Variants in ARHGAP44 observed in about 807,000 individuals in gnomAD.
The protein encoded by ARHGAP44 is rho GTPase-activating protein 44.
A neutral mutation model predicts 106.8 loss-of-function variants in ARHGAP44; 43 were observed. The ratio of observed to expected loss-of-function variants is 0.40; its 90% CI spans 0.32 to 0.52. The LOEUF is 0.52. ARHGAP44 is among the 20% of genes least tolerant of loss of function. The probability of loss-of-function intolerance (pLI) is 0.48; values close to 1 mark genes in which losing one functional copy is unlikely to be tolerated. For synonymous variants in ARHGAP44, 439 were observed against 410.3 expected (o/e 1.07, Z -0.85); for missense variants, 866 against 1,050.5 (o/e 0.82, Z 2.43).
chr17:12,939,152 A>G (rs1360574224), intron 7 of ARHGAP44, among the ~76,000 whole-genome samples: 1 of 152,172 alleles, frequency 6.6e-6, no homozygotes, highest in Non-Finnish European at 1.5e-5. Flanking sequence ...AGCCTACAAA[A>G]GCATTCATTT....
chr17:12,936,039 C>CT (rs1200052680), intron 7 of ARHGAP44, among the ~76,000 whole-genome samples: 1 of 152,146 alleles, frequency 6.6e-6, no homozygotes, highest in African/African-American at 2.4e-5. Flanking sequence ...AATCAGTAAA[C>CT]TTTATTTTTT....
chr17:12,790,252 G>T, intron 1 of ARHGAP44: 1 of 242,696 alleles, frequency 4.1e-6, no homozygotes, highest in South Asian at 7.3e-5. Flanking sequence ...TGATTGTGCT[G>T]GAGGCAGCCG....
chr17:12,802,337 G>T (rs2034118313), intron 1 of ARHGAP44, among the ~76,000 whole-genome samples: 1 of 152,214 alleles, frequency 6.6e-6, no homozygotes, highest in Non-Finnish European at 1.5e-5. Flanking sequence ...GAGCTGGACA[G>T]TGCGGCCTGG....
Position 12,956,750 on chromosome 17 carries a change from G to A in ARHGAP44, c.1342+4G>A, listed in dbSNP as rs140461185. 1.2e-6 allele frequency: 2 copies of A among 1,613,634 alleles called. No individual in the cohort carries two copies. Among genetic ancestry groups the A allele is most frequent in the African/African-American group, 2.7e-5 (2 of 75,038 alleles). ...GCAGACTGGTTCTTCCCTGGGGGTA[G>A]GTGACAGCACCTAGGTGTGGGGGCA... On this transcript the variant is annotated splice_donor_region_variant and intron_variant, in intron 15 of 20. Coordinates refer to ENST00000379672, the MANE Select transcript of ARHGAP44 (RefSeq NM_014859.6).
At chr17:12,806,419 G>C (rs1352769928) in intron 1 of ARHGAP44, among the ~76,000 whole-genome samples, 1 of 152,152 alleles carries the variant, frequency 6.6e-6, no homozygotes, top group Non-Finnish European at 1.5e-5. Context: ...TTGCAAATAG[G>C]ATGACCATCT....
chr17:12,833,145 C>T (rs1157249932), intron 1 of ARHGAP44, among the ~76,000 whole-genome samples: 4 of 152,248 alleles, frequency 2.6e-5, no homozygotes, highest in Middle Eastern at 3.4e-3. Context: ...TCTGTTTTGT[C>T]GGAGAGGGCA....
intron 17 of ARHGAP44, chr17:12,973,860 T>TGAGG (rs1376963852): frequency 5.2e-6 from 3 of 580,054 alleles, no homozygotes; most frequent in Non-Finnish European, 9.2e-6. Flanking sequence ...CTTGCCTCAG[T>TGAGG]GAGGGGGCCG....
intron 1 of ARHGAP44, chr17:12,790,192 A>C: frequency 5.2e-6 from 2 of 383,420 alleles, no homozygotes; most frequent in South Asian, 4.3e-5. Context: ...TTTCCCCGGG[A>C]CTCCCTTCTC....
At chr17:12,792,913 T>C (rs2150750543) in intron 1 of ARHGAP44, among the ~76,000 whole-genome samples, 1 of 152,354 alleles carries the variant, frequency 6.6e-6, no homozygotes, top group East Asian at 1.9e-4. Flanking sequence ...TGTATTTAAC[T>C]GACAAAAGTT....
At chr17:12,876,910 A>C (rs892248426) in intron 1 of ARHGAP44, among the ~76,000 whole-genome samples, 1 of 52,810 alleles carries the variant, frequency 1.9e-5, no homozygotes, top group African/African-American at 1.0e-4. Flanking sequence ...ACTCCGTCTC[A>C]AAAAAAAAAA....
At chr17:12,790,006 C>G in intron 1 of ARHGAP44, 115 bp downstream of exon 1, 1 of 1,002,466 alleles carries the variant, frequency 1.0e-6, no homozygotes, top group Non-Finnish European at 1.4e-6. Context: ...GTCCTTTCCC[C>G]TGCACCAGCT....
At chr17:12,944,852 C>T (rs1020011642) in intron 10 of ARHGAP44, among the ~76,000 whole-genome samples, 1 of 151,926 alleles carries the variant, frequency 6.6e-6, no homozygotes, top group Non-Finnish European at 1.5e-5. Context: ...TCTTCTGCCT[C>T]TTCCTCTTGC....
intron 1 of ARHGAP44, among the ~76,000 whole-genome samples, chr17:12,835,375 T>C (rs1435072354): frequency 2.6e-5 from 4 of 152,132 alleles, no homozygotes; most frequent in African/African-American, 7.2e-5. Flanking sequence ...ATAAGAAATA[T>C]CAGGTTCTGG....
chr17:12,935,237 C>G (rs781592001), intron 7 of ARHGAP44, among the ~76,000 whole-genome samples: 1 of 152,116 alleles, frequency 6.6e-6, no homozygotes, highest in Non-Finnish European at 1.5e-5. Flanking sequence ...CTTATGATAA[C>G]AATAAATTTC....
At chr17:12,935,877 G>A (rs556708162) in intron 7 of ARHGAP44, among the ~76,000 whole-genome samples, 1 of 152,058 alleles carries the variant, frequency 6.6e-6, no homozygotes. Flanking sequence ...GATAATAGGG[G>A]ATCCTGAAAA....
At position 12,806,200 on chromosome 17, in the gene ARHGAP44, C is replaced by T. The variant is rs144215094; in HGVS notation, c.53+16309C>T. Among the ~76,000 whole-genome samples, 124 of 152,164 alleles carry T rather than the reference C, an allele frequency of 8.1e-4. 2 individuals are homozygous for T. The highest frequency in any genetic ancestry group is 2.9e-3 in the African/African-American group (122 of 41,506). ...TATCTTTGATGGTAAATGAGGTGCT[C>T]ATGGCGTGATGAGAAAATAGTTGAG... On this transcript the variant is annotated intron_variant, in intron 1 of 20. Transcript: ENST00000379672.
chr17:12,841,789 G>A (rs1314150454), intron 1 of ARHGAP44, among the ~76,000 whole-genome samples: 1 of 152,032 alleles, frequency 6.6e-6, no homozygotes, highest in East Asian at 1.9e-4. Flanking sequence ...GATAATTGAG[G>A]CAGATTCATT....
intron 16 of ARHGAP44, among the ~76,000 whole-genome samples, chr17:12,961,734 C>CAA (rs879897434): frequency 6.9e-6 from 1 of 144,640 alleles, no homozygotes; most frequent in Middle Eastern, 3.6e-3. Flanking sequence ...ACTCTGTCTC[C>CAA]AAAAAAAAAA....
chr17:12,953,978 C>T (rs1399754801), intron 13 of ARHGAP44, among the ~76,000 whole-genome samples: 1 of 152,072 alleles, frequency 6.6e-6, no homozygotes. Flanking sequence ...CCCCCACCAC[C>T]TGGGATTCGA....
Sources: gnomAD v4.1 joint callset for allele counts (sites outside exome capture counted in the v4.1 genomes callset) on GRCh38, gnomAD v4.1.1 for gene constraint, MANE v1.5 for transcripts, NCBI Gene and HGNC (gene_info 2026-07-23, HGNC 2026-07-21) for gene names.